The following KIF21A variants were observed in gnomAD, a reference collection of about 807,000 sequenced individuals.
KIF21A encodes kinesin-like protein KIF21A.
KIF21A carries 114 observed loss-of-function variants against 202.9 expected under a neutral mutation model. That is an observed-to-expected ratio of 0.56 (90% CI 0.48 to 0.66). KIF21A has a LOEUF of 0.66. Ranked by LOEUF, KIF21A falls within the 30% of genes least tolerant of loss-of-function variation. The pLI is 0.00. For missense variants in KIF21A, 1,677 were observed against 1,994.9 expected, an observed-to-expected ratio of 0.84 and a Z score of 3.04; for synonymous variants, 667 against 670.8, an observed-to-expected ratio of 0.99 and a Z score of 0.09.
chr12:39,350,248 C>A (rs1318319406), intron 11 of KIF21A, among the ~76,000 whole-genome samples: 2 of 152,016 alleles, frequency 1.3e-5, no homozygotes, highest in Non-Finnish European at 2.9e-5. Context: ...GAATTAGTCA[C>A]AACCGCTATT....
In KIF21A at chr12:39,340,269, G is replaced by C; in HGVS notation, c.2206C>G (p.Gln736Glu). ...QAMNKELQRL[Q>E]AAQKEHARLL... ...CTTGCATGTTCTTTTTGAGCTGCTT[G>C]AAGTCTCTGCAGTTCTTTGTTCATG... The change falls in exon 16 of 38, where the codon CAA becomes GAA. Residue 736 changes from glutamine (Q) to glutamate (E), a missense_variant. Transcript: ENST00000361418. 1 of 1,612,918 alleles carries C rather than the reference G, an allele frequency of 6.2e-7. No homozygotes were observed. The highest frequency in any genetic ancestry group is 1.7e-4 in the Middle Eastern group (1 of 6,052).
At chr12:39,370,292 A>G in intron 1 of KIF21A, 31 bp from the exon 2 acceptor site, 1 of 1,524,378 alleles carries the variant, frequency 6.6e-7, no homozygotes, top group Non-Finnish European at 9.0e-7. Flanking sequence ...AGAAAAAAAT[A>G]AAATAAATGG....
chr12:39,401,265 A>G (rs1461498578), intron 1 of KIF21A, among the ~76,000 whole-genome samples: 2 of 152,228 alleles, frequency 1.3e-5, no homozygotes, highest in Non-Finnish European at 2.9e-5. Flanking sequence ...AAGGAATAGT[A>G]ACAGTAGAAA....
intron 4 of KIF21A, 131 bp downstream of exon 4, chr12:39,367,752 C>T: frequency 1.4e-6 from 1 of 720,464 alleles, no homozygotes; most frequent in Non-Finnish European, 2.4e-6. Flanking sequence ...GAGGAAAGAA[C>T]ACAAGATCTT....
At chr12:39,332,833 T>C (rs1466790746) in intron 19 of KIF21A, 60 bp downstream of exon 19, 2 of 1,604,824 alleles carry the variant, frequency 1.2e-6, no homozygotes, top group Non-Finnish European at 1.7e-6. Flanking sequence ...TTCATTTAAG[T>C]ACAACATTCA....
At chr12:39,334,785 A>G (rs1946819307) in intron 17 of KIF21A, among the ~76,000 whole-genome samples, 2 of 152,198 alleles carry the variant, frequency 1.3e-5, no homozygotes, top group South Asian at 2.1e-4. Flanking sequence ...TGTTAGCTTT[A>G]TATGTGACTA....
Position 39,373,573 on chromosome 12 carries a change from C to T in KIF21A, c.45-3312G>A, listed in dbSNP as rs190306774. Reference sequence around the variant, plus strand: ...TAATAATAAAGATAAAAATAATAAACGCAACACTCTAATGAAAACAAGTAC... The same window carrying T: ...TAATAATAAAGATAAAAATAATAAATGCAACACTCTAATGAAAACAAGTAC... On this transcript the variant is annotated intron_variant, in intron 1 of 37. Transcript: ENST00000361418. 7.2e-5 allele frequency among the ~76,000 whole-genome samples: 11 copies of T among 152,150 alleles called. No individual in the cohort carries two copies. In the South Asian group the frequency reaches 8.3e-4, roughly 11 times the overall value.
At chr12:39,340,822 A>ATTT in intron 15 of KIF21A, 84 bp downstream of exon 15, 6 of 998,852 alleles carry the variant, frequency 6.0e-6, no homozygotes, top group Non-Finnish European at 1.5e-6. Context: ...TACGGCTTCT[A>ATTT]TTTTTTTTCT....
chr12:39,374,905 T>TC (rs1950173086), intron 1 of KIF21A, among the ~76,000 whole-genome samples: 2 of 152,262 alleles, frequency 1.3e-5, no homozygotes. Flanking sequence ...TACTTTTTTT[T>TC]CCCCTGCCAT....
chr12:39,308,297 A>G (rs1943672082), intron 33 of KIF21A, among the ~76,000 whole-genome samples: 2 of 151,982 alleles, frequency 1.3e-5, no homozygotes, highest in Admixed American at 1.3e-4. Flanking sequence ...CTGAGGCAGG[A>G]GAATCACTTG....
At chr12:39,430,566 C>CAA (rs1240837715) in intron 1 of KIF21A, among the ~76,000 whole-genome samples, 4 of 123,098 alleles carry the variant, frequency 3.2e-5, no homozygotes, top group African/African-American at 5.9e-5. Context: ...GACTTCGTCT[C>CAA]AAAAAAAAAA....
intron 35 of KIF21A, among the ~76,000 whole-genome samples, 185 bp from the exon 36 acceptor site, chr12:39,303,320 C>T (rs942715045): frequency 3.3e-5 from 5 of 152,024 alleles, no homozygotes; most frequent in African/African-American, 7.2e-5. Flanking sequence ...GATAAGGTCT[C>T]ACTATGTTTC....
At chr12:39,436,442 ATATATATTTT>A (rs1406797679) in intron 1 of KIF21A, among the ~76,000 whole-genome samples, 1 of 118,122 alleles carries the variant, frequency 8.5e-6, no homozygotes, top group Non-Finnish European at 1.7e-5. Flanking sequence ...ATATATATAT[ATATATATTTT>A]TTTTTTTTTT....
chr12:39,315,261 T>C, intron 30 of KIF21A, 21 bp from the exon 31 acceptor site: 1 of 1,610,164 alleles, frequency 6.2e-7, no homozygotes, highest in Non-Finnish European at 8.5e-7. Flanking sequence ...TCAGCAAAAA[T>C]GGCCATAAAA....
chr12:39,368,233 A>G (rs555273709), intron 3 of KIF21A, among the ~76,000 whole-genome samples: 1 of 152,306 alleles, frequency 6.6e-6, no homozygotes, highest in South Asian at 2.1e-4. Context: ...ACAAAAGTAA[A>G]AACAGTAAGT....
rs527756370 is a variant in KIF21A at position 39,308,292 on chromosome 12, G to A, written c.4278-563C>T. ...AATCCCAGCTACTCGGGAGGCTGAG[G>A]CAGGAGAATCACTTGAACCTGGGAG... On this transcript the variant is annotated intron_variant, in intron 33 of 37. Transcript: ENST00000361418. Among the ~76,000 whole-genome samples, 9 of 151,958 alleles carry A rather than the reference G, an allele frequency of 5.9e-5. No individual in the cohort carries two copies. In the East Asian group the frequency reaches 1.7e-3, roughly 29 times the overall value.
chr12:39,319,642 AAAATGATATAC>A, intron 28 of KIF21A, among the ~76,000 whole-genome samples: 1 of 152,296 alleles, frequency 6.6e-6, no homozygotes, highest in South Asian at 2.1e-4. Context: ...ATTAACTCTT[AAAATGATATAC>A]ACAAATAACT....
At chr12:39,380,575 A>G (rs1052486552) in intron 1 of KIF21A, among the ~76,000 whole-genome samples, 2 of 152,186 alleles carry the variant, frequency 1.3e-5, no homozygotes, top group Non-Finnish European at 2.9e-5. Context: ...CTGAAAGGAA[A>G]CTGAGTGTGG....
At chr12:39,335,490 G>C (rs1240557890) in intron 17 of KIF21A, among the ~76,000 whole-genome samples, 1 of 151,898 alleles carries the variant, frequency 6.6e-6, no homozygotes, top group Non-Finnish European at 1.5e-5. Context: ...TGTCCACAGG[G>C]ACAAAATGTA....
Sources: allele counts gnomAD v4.1 joint callset (sites outside exome capture counted in the v4.1 genomes callset), GRCh38; gene constraint gnomAD v4.1.1; transcripts MANE v1.5; gene names NCBI Gene and HGNC (gene_info 2026-07-23, HGNC 2026-07-21).